Variants in NRG3 observed in about 807,000 individuals in gnomAD.
NRG3 encodes the protein pro-neuregulin-3, membrane-bound isoform.
A neutral mutation model predicts 66.9 loss-of-function variants in NRG3; 31 were observed. The ratio of observed to expected loss-of-function variants is 0.46; its 90% CI spans 0.35 to 0.63. The LOEUF is 0.63. Among genes scored for constraint, NRG3 ranks in the 20% least tolerant of loss-of-function variants. NRG3 has a pLI of 0.00. For synonymous variants in NRG3, 393 were observed against 359.4 expected, an observed-to-expected ratio of 1.09 and a Z score of -1.06; for missense variants, 910 against 878.9, an observed-to-expected ratio of 1.04 and a Z score of -0.45.
intron 2 of NRG3, among the ~76,000 whole-genome samples, chr10:82,510,772 C>T (rs958415062): frequency 2.0e-5 from 3 of 152,072 alleles, no homozygotes; most frequent in Non-Finnish European, 4.4e-5. Flanking sequence ...CATTTGCCAC[C>T]AGAAGCTGCC....
At chr10:82,711,878 T>C (rs1279981155) in intron 2 of NRG3, among the ~76,000 whole-genome samples, 1 of 152,190 alleles carries the variant, frequency 6.6e-6, no homozygotes, top group East Asian at 1.9e-4. Context: ...TTCTAACTTG[T>C]TTTTGGATCA....
chr10:82,958,943 C>A lies in NRG3; in HGVS notation c.1158-6C>A. On this transcript the variant is annotated splice_region_variant and splice_polypyrimidine_tract_variant and intron_variant, in intron 5 of 8. Transcript: ENST00000372141. ...AATATTTGTACACGTTTATTTATGC[C>A]TGCAGGAAACAAGCTAAACAAATCC... The A allele has an allele frequency of 6.4e-7, 1 of 1,566,488 alleles. No homozygotes were observed. The highest frequency in any genetic ancestry group is 8.6e-7 in the Non-Finnish European group (1 of 1,163,022).
At chr10:82,094,454 A>G (rs1159299148) in intron 1 of NRG3, among the ~76,000 whole-genome samples, 2 of 152,234 alleles carry the variant, frequency 1.3e-5, no homozygotes, top group African/African-American at 4.8e-5. Context: ...AGAACTAGAA[A>G]TAGATCTACC....
At chr10:82,909,969 A>G (rs1350892419) in intron 4 of NRG3, among the ~76,000 whole-genome samples, 2 of 152,352 alleles carry the variant, frequency 1.3e-5, no homozygotes, top group South Asian at 2.1e-4. Context: ...AGTGATAAAC[A>G]GAAGTTAATG....
intron 4 of NRG3, among the ~76,000 whole-genome samples, chr10:82,940,387 T>A (rs1475250896): frequency 6.6e-6 from 1 of 152,174 alleles, no homozygotes; most frequent in Non-Finnish European, 1.5e-5. Context: ...GCTTGTAGAA[T>A]CATTGCCCTA....
intron 1 of NRG3, among the ~76,000 whole-genome samples, chr10:82,033,363 T>C (rs1010760184): frequency 6.6e-6 from 1 of 152,128 alleles, no homozygotes. Context: ...GGATAACTAG[T>C]ATTTACCATT....
At chr10:82,241,927 C>T (rs2077023513) in intron 1 of NRG3, among the ~76,000 whole-genome samples, 1 of 152,106 alleles carries the variant, frequency 6.6e-6, no homozygotes, top group African/African-American at 2.4e-5. Context: ...GACTCTGAGA[C>T]AGTTAGAGAC....
At chr10:82,639,756 G>C (rs1056618480) in intron 2 of NRG3, among the ~76,000 whole-genome samples, 4 of 152,078 alleles carry the variant, frequency 2.6e-5, no homozygotes, top group Non-Finnish European at 4.4e-5. Context: ...GGCTGAAAGA[G>C]CCCTGATTAT....
chr10:82,814,609 T>A (rs957909930), intron 3 of NRG3, among the ~76,000 whole-genome samples: 1 of 152,230 alleles, frequency 6.6e-6, no homozygotes, highest in African/African-American at 2.4e-5. Flanking sequence ...TTCTGACCCA[T>A]GAGAAAACAT....
At chr10:82,027,231 A>G (rs971231148) in intron 1 of NRG3, among the ~76,000 whole-genome samples, 5 of 152,122 alleles carry the variant, frequency 3.3e-5, no homozygotes, top group African/African-American at 4.8e-5. Context: ...TATGCTTTAG[A>G]AAACTAAGCA....
At chr10:82,847,524 G>A (rs2063359482) in intron 3 of NRG3, among the ~76,000 whole-genome samples, 1 of 152,152 alleles carries the variant, frequency 6.6e-6, no homozygotes, top group Non-Finnish European at 1.5e-5. Context: ...GAAAGGTACA[G>A]TCTGGTATGA....
At chr10:81,907,990 A>T (rs1297842528) in intron 1 of NRG3, among the ~76,000 whole-genome samples, 1 of 152,196 alleles carries the variant, frequency 6.6e-6, no homozygotes, top group Non-Finnish European at 1.5e-5. Context: ...TCTTTGCTAG[A>T]TGCTTTAGAA....
chr10:82,636,918 G>T lies in NRG3; in HGVS notation c.954-101659G>T, dbSNP rs747809596. ...GCTACCAGAGGCAGGATTAAGGGTA[G>T]GAAATGGGGAGATGTAGGTCAAAAG... On this transcript the variant is annotated intron_variant, in intron 2 of 8. Transcript: ENST00000372141. Among the ~76,000 whole-genome samples the T allele has an allele frequency of 1.7e-4, 26 of 151,812 alleles. 1 individual carries two copies. The highest frequency in any genetic ancestry group is 1.3e-4 in the Admixed American group (2 of 15,196).
intron 2 of NRG3, among the ~76,000 whole-genome samples, chr10:82,566,801 T>A (rs2045436547): frequency 6.6e-6 from 1 of 151,990 alleles, no homozygotes; most frequent in African/African-American, 2.4e-5. Context: ...AAAATTTTTC[T>A]AAATAAAAAA....
At chr10:82,950,632 G>A (rs1849429767) in intron 4 of NRG3, among the ~76,000 whole-genome samples, 1 of 152,202 alleles carries the variant, frequency 6.6e-6, no homozygotes, top group South Asian at 2.1e-4. Context: ...TTGCAAGAGA[G>A]TAAATGACTG....
rs577345096 is a variant in NRG3, at chr10:81,981,520, C to T, written c.823+105357C>T. ...ATGTTGCCTTAGCCCTGGGAAATAGCGTCGTCTTCTGATGCCTTGAGTGAC... is the reference window on the plus strand; with the variant it reads ...ATGTTGCCTTAGCCCTGGGAAATAGTGTCGTCTTCTGATGCCTTGAGTGAC... On this transcript the variant is annotated intron_variant, in intron 1 of 8. Transcript: ENST00000372141. 7.2e-5 allele frequency among the ~76,000 whole-genome samples: 11 copies of T among 152,252 alleles called. 1 individual carries two copies. Among genetic ancestry groups the T allele is most frequent in the African/African-American group, 2.6e-4 (11 of 41,552 alleles).
intron 6 of NRG3, among the ~76,000 whole-genome samples, chr10:82,973,086 G>C (rs571279144): frequency 6.6e-6 from 1 of 152,174 alleles, no homozygotes; most frequent in East Asian, 1.9e-4. Context: ...CGCCCAGTGT[G>C]CAGGGAGTGT....
intron 4 of NRG3, among the ~76,000 whole-genome samples, chr10:82,934,796 A>G (rs1480819437): frequency 6.6e-6 from 1 of 152,234 alleles, no homozygotes; most frequent in African/African-American, 2.4e-5. Flanking sequence ...CACAATTTTT[A>G]AATGTCAAAA....
chr10:82,492,551 A>T (rs2132263804), intron 2 of NRG3, among the ~76,000 whole-genome samples: 1 of 152,326 alleles, frequency 6.6e-6, no homozygotes, highest in South Asian at 2.1e-4. Context: ...GAGATTGCAT[A>T]GAAACCTAAC....
Sources: allele counts gnomAD v4.1 joint callset (sites outside exome capture counted in the v4.1 genomes callset), GRCh38; gene constraint gnomAD v4.1.1; transcripts MANE v1.5; gene names NCBI Gene and HGNC (gene_info 2026-07-23, HGNC 2026-07-21).